The following HCN1 variants were observed in gnomAD, a reference collection of about 807,000 sequenced individuals.
HCN1 encodes the protein hyperpolarization activated cyclic nucleotide gated potassium channel 1.
A neutral mutation model predicts 78.9 loss-of-function variants in HCN1; 13 were observed. The ratio of observed to expected loss-of-function variants is 0.16; its 90% CI spans 0.11 to 0.26. HCN1 has a LOEUF of 0.26. Among genes scored for constraint, HCN1 ranks in the 10% least tolerant of loss-of-function variants. The pLI is 1.00. For missense variants in HCN1, 810 were observed against 1,154.3 expected, an observed-to-expected ratio of 0.70 and a Z score of 4.32; for synonymous variants, 552 against 455.5, an observed-to-expected ratio of 1.21 and a Z score of -2.70.
intron 2 of HCN1, among the ~76,000 whole-genome samples, chr5:45,500,576 T>C (rs562495186): frequency 6.6e-6 from 1 of 152,336 alleles, no homozygotes; most frequent in East Asian, 1.9e-4. Flanking sequence ...TATCAACTTG[T>C]TATTTTACAA....
intron 2 of HCN1, among the ~76,000 whole-genome samples, chr5:45,541,236 A>C (rs1157163112): frequency 6.6e-6 from 1 of 152,132 alleles, no homozygotes; most frequent in Non-Finnish European, 1.5e-5. Flanking sequence ...TTTTCCCTTA[A>C]GTGCTTTCCT....
At chr5:45,352,013 C>T (rs552589232) in intron 5 of HCN1, among the ~76,000 whole-genome samples, 1 of 152,256 alleles carries the variant, frequency 6.6e-6, no homozygotes, top group East Asian at 1.9e-4. Context: ...TTGACCCAGC[C>T]ATCCCATTAC....
Position 45,262,800 on chromosome 5 carries a change from A to G in HCN1, c.1794T>C (p.Asn598=). 6.2e-7 allele frequency: 1 copy of G among 1,613,816 alleles called. No individual in the cohort carries two copies. The highest frequency in any genetic ancestry group is 2.2e-5 in the East Asian group (1 of 44,844). The stretch of plus-strand genomic sequence containing the variant: ...TCTGGAACTTTTGCAGAAGAATTGA[A>G]TTTTTCTTTCCTGTCAGCAAAAGAA... ...IDRLDRIGKK[N]SILLQKFQKD... Residue 598 remains asparagine (N), a synonymous_variant, in exon 8 of 8, where the codon AAT becomes AAC. Transcript: ENST00000303230.
chr5:45,613,357 G>A, intron 2 of HCN1, among the ~76,000 whole-genome samples: 1 of 151,966 alleles, frequency 6.6e-6, no homozygotes. Flanking sequence ...TGGCTGCATA[G>A]TATTCCATGG....
intron 2 of HCN1, among the ~76,000 whole-genome samples, chr5:45,603,490 A>C (rs552495649): frequency 6.6e-6 from 1 of 152,234 alleles, no homozygotes; most frequent in East Asian, 1.9e-4. Flanking sequence ...AAAGTGGATG[A>C]TGGCATATCT....
intron 5 of HCN1, among the ~76,000 whole-genome samples, chr5:45,332,203 T>C (rs909830014): frequency 6.6e-6 from 1 of 151,478 alleles, no homozygotes; most frequent in Non-Finnish European, 1.5e-5. Context: ...TGTGGGTACA[T>C]AGTAGTTGTA....
chr5:45,294,763 G>C (rs1047068072), intron 6 of HCN1, among the ~76,000 whole-genome samples: 1 of 151,988 alleles, frequency 6.6e-6, no homozygotes, highest in Non-Finnish European at 1.5e-5. Flanking sequence ...AAACAGTTTA[G>C]TGAATTCCAT....
chr5:45,595,926 G>C (rs1744484777), intron 2 of HCN1, among the ~76,000 whole-genome samples: 1 of 150,728 alleles, frequency 6.6e-6, no homozygotes, highest in African/African-American at 2.4e-5. Context: ...GTCTCGCTCT[G>C]TCACCCAGGC....
At chr5:45,502,969 T>A (rs1742221363) in intron 2 of HCN1, among the ~76,000 whole-genome samples, 1 of 152,164 alleles carries the variant, frequency 6.6e-6, no homozygotes, top group African/African-American at 2.4e-5. Context: ...AACACTATGT[T>A]GGTATATACA....
chr5:45,523,948 T>C (rs1157712835), intron 2 of HCN1, among the ~76,000 whole-genome samples: 2 of 152,202 alleles, frequency 1.3e-5, no homozygotes, highest in Admixed American at 1.3e-4. Context: ...GCCTATGTCC[T>C]GAATGGTATT....
chr5:45,496,670 A>G (rs796258432), intron 2 of HCN1, among the ~76,000 whole-genome samples: 27 of 151,866 alleles, frequency 1.8e-4, no homozygotes, highest in Admixed American at 1.3e-3. Flanking sequence ...TGGATTCATT[A>G]ATTTTTTGAA....
chr5:45,539,542 G>A (rs1456978365), intron 2 of HCN1, among the ~76,000 whole-genome samples: 2 of 150,650 alleles, frequency 1.3e-5, no homozygotes, highest in Non-Finnish European at 3.0e-5. Flanking sequence ...GCGGGCACCT[G>A]TAATCCCAGC....
intron 6 of HCN1, among the ~76,000 whole-genome samples, chr5:45,275,290 A>C (rs1442733970): frequency 1.3e-5 from 2 of 152,092 alleles, no homozygotes; most frequent in African/African-American, 4.8e-5. Flanking sequence ...CAATAACTGA[A>C]AATGGCTTAC....
chr5:45,452,973 TC>T (rs1291332556), intron 3 of HCN1, among the ~76,000 whole-genome samples: 1 of 152,056 alleles, frequency 6.6e-6, no homozygotes, highest in Non-Finnish European at 1.5e-5. Context: ...TCTGATTCTG[TC>T]ATATATCTCT....
chr5:45,645,669 T>G, intron 1 of HCN1, 61 bp from the exon 2 acceptor site: 1 of 1,040,576 alleles, frequency 9.6e-7, no homozygotes, highest in South Asian at 1.4e-5. Flanking sequence ...ATCCCCCCCA[T>G]GAAAAATTAT....
chr5:45,622,536 A>G (rs1193034924), intron 2 of HCN1, among the ~76,000 whole-genome samples: 1 of 152,172 alleles, frequency 6.6e-6, no homozygotes, highest in African/African-American at 2.4e-5. Flanking sequence ...CCAGCTGGAG[A>G]GAGAGAGACA....
At chr5:45,538,766 A>T (rs1579956592) in intron 2 of HCN1, among the ~76,000 whole-genome samples, 1 of 152,140 alleles carries the variant, frequency 6.6e-6, no homozygotes, top group Non-Finnish European at 1.5e-5. Flanking sequence ...CACACACACA[A>T]ATTTAAAAAA....
intron 4 of HCN1, among the ~76,000 whole-genome samples, chr5:45,370,544 T>TA (rs1284285381): frequency 1.3e-5 from 2 of 152,052 alleles, no homozygotes; most frequent in Admixed American, 6.6e-5. Flanking sequence ...CTTTATAAAT[T>TA]AAAAAATATA....
chr5:45,328,191 T>A (rs1256993985), intron 5 of HCN1, among the ~76,000 whole-genome samples: 1 of 151,708 alleles, frequency 6.6e-6, no homozygotes, highest in Non-Finnish European at 1.5e-5. Context: ...TTTTTCATCT[T>A]AACTAAGCAC....
Sources: gnomAD v4.1 joint callset for allele counts (sites outside exome capture counted in the v4.1 genomes callset) on GRCh38, gnomAD v4.1.1 for gene constraint, MANE v1.5 for transcripts, NCBI Gene and HGNC (gene_info 2026-07-23, HGNC 2026-07-21) for gene names.